PBX3: variants seen among roughly 807,000 people sequenced by gnomAD.
PBX3 encodes PBX homeobox 3.
Under a neutral mutation model 48.5 loss-of-function variants are expected in PBX3, and 14 were observed. The ratio of observed to expected loss-of-function variants is 0.29; its 90% CI spans 0.19 to 0.45. The LOEUF is 0.45. PBX3 is among the 20% of genes least tolerant of loss of function. The pLI is 1.00. For missense variants in PBX3, 386 were observed against 546.7 expected (o/e 0.71, Z 2.93); for synonymous variants, 210 against 200.3 (o/e 1.05, Z -0.41).
intron 3 of PBX3, among the ~76,000 whole-genome samples, chr9:125,926,801 CAA>C (rs1239932043): frequency 2.0e-5 from 3 of 152,176 alleles, no homozygotes; most frequent in Admixed American, 6.5e-5. Flanking sequence ...GCCTGGGTAA[CAA>C]GAGCTAAACT....
intron 2 of PBX3, among the ~76,000 whole-genome samples, chr9:125,787,866 G>A (rs1837499075): frequency 1.3e-5 from 2 of 152,322 alleles, no homozygotes; most frequent in East Asian, 1.9e-4. Flanking sequence ...GGTGATGGAT[G>A]ATAAAGTTCA....
intron 2 of PBX3, among the ~76,000 whole-genome samples, chr9:125,782,807 G>A (rs751283397): frequency 5.3e-5 from 8 of 151,916 alleles, no homozygotes; most frequent in South Asian, 2.1e-4. Context: ...CATTTTTGAC[G>A]GACAATTTTA....
intron 2 of PBX3, among the ~76,000 whole-genome samples, chr9:125,788,153 G>A (rs1320572619): frequency 6.6e-6 from 1 of 152,186 alleles, no homozygotes; most frequent in African/African-American, 2.4e-5. Context: ...ATAATTAGTT[G>A]TTTAATGTGG....
chr9:125,928,176 G>A (rs190237979), intron 3 of PBX3, among the ~76,000 whole-genome samples: 3 of 151,956 alleles, frequency 2.0e-5, no homozygotes, highest in Admixed American at 2.0e-4. Flanking sequence ...GGGCGACAGA[G>A]CAAGACTCTG....
intron 2 of PBX3, among the ~76,000 whole-genome samples, chr9:125,866,479 ACATT>A (rs1281930228): frequency 4.6e-5 from 7 of 152,192 alleles, no homozygotes; most frequent in African/African-American, 1.7e-4. Context: ...TGTGGGGTTT[ACATT>A]CTAGTGGAAA....
intron 2 of PBX3, among the ~76,000 whole-genome samples, chr9:125,876,361 C>T (rs1004132251): frequency 8.5e-5 from 13 of 152,312 alleles, no homozygotes; most frequent in African/African-American, 2.9e-4. Context: ...CACTTATACT[C>T]TGATTTCCTT....
At chr9:125,780,862 A>G (rs1331773171) in intron 2 of PBX3, among the ~76,000 whole-genome samples, 8 of 123,758 alleles carry the variant, frequency 6.5e-5, no homozygotes, top group East Asian at 2.5e-4. Flanking sequence ...GGGCAGAGGG[A>G]CTCCTCACTT....
chr9:125,798,245 A>G (rs957846161), intron 2 of PBX3, among the ~76,000 whole-genome samples: 5 of 152,184 alleles, frequency 3.3e-5, no homozygotes, highest in Non-Finnish European at 1.5e-5. Context: ...GTTCAAATCT[A>G]GGATTATGAA....
At chr9:125,857,252 A>G (rs1313382775) in intron 2 of PBX3, among the ~76,000 whole-genome samples, 1 of 152,162 alleles carries the variant, frequency 6.6e-6, no homozygotes, top group Non-Finnish European at 1.5e-5. Context: ...GAATTTCTTC[A>G]GATATTGGAA....
chr9:125,852,096 G>A (rs1588219355), intron 2 of PBX3, among the ~76,000 whole-genome samples: 1 of 152,138 alleles, frequency 6.6e-6, no homozygotes, highest in Non-Finnish European at 1.5e-5. Context: ...CAGATTTTCT[G>A]CAAGTGGACG....
chr9:125,958,386 G>A (rs1301010511), intron 5 of PBX3, among the ~76,000 whole-genome samples: 2 of 152,232 alleles, frequency 1.3e-5, no homozygotes, highest in Non-Finnish European at 2.9e-5. Context: ...CCTGCTGTGA[G>A]CATATGGGGC....
intron 2 of PBX3, among the ~76,000 whole-genome samples, chr9:125,914,105 A>C (rs1841269019): frequency 6.6e-6 from 1 of 152,234 alleles, no homozygotes; most frequent in Non-Finnish European, 1.5e-5. Flanking sequence ...AATATTAGGC[A>C]GTCCCTTTTA....
chr9:125,778,605 CTT>C (rs138965100), intron 2 of PBX3, among the ~76,000 whole-genome samples: 2 of 132,900 alleles, frequency 1.5e-5, no homozygotes, highest in African/African-American at 2.8e-5. Flanking sequence ...TTGATCTTTT[CTT>C]TTTTTTTTTT....
chr9:125,796,886 A>C (rs943742082), intron 2 of PBX3, among the ~76,000 whole-genome samples: 1 of 152,092 alleles, frequency 6.6e-6, no homozygotes, highest in African/African-American at 2.4e-5. Context: ...ATATTTCCTA[A>C]TTTGCACCAA....
In PBX3 at chr9:125,863,400, TG is replaced by T. The variant is rs1839909205; in HGVS notation, c.275-52282del. On this transcript the variant is annotated intron_variant, in intron 2 of 8. Coordinates refer to ENST00000373489, the MANE Select transcript of PBX3 (RefSeq NM_006195.6). ...TTGTTTTTTGTATTTTTAGTAGAGA[TG>T]GGGTTTCACCATGTTGGCCAGGATT... 2.0e-5 allele frequency among the ~76,000 whole-genome samples: 3 copies of T among 151,766 alleles called. No homozygotes were observed. The South Asian group carries it at 6.3e-4, about 32-fold the overall frequency.
chr9:125,787,205 AATTT>A (rs1417675829), intron 2 of PBX3, among the ~76,000 whole-genome samples: 2 of 151,946 alleles, frequency 1.3e-5, no homozygotes, highest in East Asian at 3.9e-4. Context: ...ACACCTGGCT[AATTT>A]ATTTATTTAC....
chr9:125,793,118 C>T (rs907285937), intron 2 of PBX3, among the ~76,000 whole-genome samples: 2 of 151,186 alleles, frequency 1.3e-5, no homozygotes, highest in African/African-American at 4.9e-5. Flanking sequence ...TTTGGGAGGC[C>T]GAGGTGGGCG....
chr9:125,829,834 A>T (rs1425962387), intron 2 of PBX3, among the ~76,000 whole-genome samples: 1 of 152,242 alleles, frequency 6.6e-6, no homozygotes, highest in Non-Finnish European at 1.5e-5. Flanking sequence ...GTGGAGCTCT[A>T]GATGCCTGGC....
intron 2 of PBX3, among the ~76,000 whole-genome samples, chr9:125,879,731 A>G (rs1460390586): frequency 1.3e-5 from 2 of 152,234 alleles, no homozygotes; most frequent in African/African-American, 2.4e-5. Flanking sequence ...TATTACTTCA[A>G]TAGATCCTTT....
Sources: allele counts gnomAD v4.1 joint callset (sites outside exome capture counted in the v4.1 genomes callset), GRCh38; gene constraint gnomAD v4.1.1; transcripts MANE v1.5; gene names NCBI Gene and HGNC (gene_info 2026-07-23, HGNC 2026-07-21).